SYNE1: variants seen among roughly 807,000 people sequenced by gnomAD.
SYNE1 encodes nesprin-1.
Under a neutral mutation model 1,111.0 loss-of-function variants are expected in SYNE1, and 616 were observed. That is an observed-to-expected ratio of 0.55 (90% CI 0.52 to 0.59). The LOEUF is 0.59. Ranked by LOEUF, SYNE1 falls within the 20% of genes least tolerant of loss-of-function variation. The pLI, the probability that SYNE1 is intolerant of heterozygous loss-of-function variation, is 0.00. For missense variants in SYNE1, 10,006 were observed against 10,417.0 expected, an observed-to-expected ratio of 0.96 and a Z score of 1.72; for synonymous variants, 3,855 against 3,825.8, an observed-to-expected ratio of 1.01 and a Z score of -0.28.
intron 49 of SYNE1, among the ~76,000 whole-genome samples, chr6:152,397,582 C>A (rs1174124988): frequency 6.6e-6 from 1 of 152,210 alleles, no homozygotes; most frequent in East Asian, 1.9e-4. Flanking sequence ...TCCACACCTC[C>A]TGCAAAACCA....
intron 3 of SYNE1, among the ~76,000 whole-genome samples, chr6:152,603,379 A>G (rs920662306): frequency 2.0e-5 from 3 of 152,196 alleles, no homozygotes; most frequent in Admixed American, 6.5e-5. Context: ...TTATTTTGCA[A>G]AAATGAGTTT....
At chr6:152,144,082 A>G (rs1260821239) in intron 137 of SYNE1, 3 of 396,712 alleles carry the variant, frequency 7.6e-6, no homozygotes, top group African/African-American at 6.2e-5. Flanking sequence ...TCAGTGTGGA[A>G]GGCCTTTCTA....
chr6:152,325,280 G>A lies in SYNE1; in HGVS notation c.15461C>T (p.Ser5154Phe). The change falls in exon 81 of 146, where the codon TCT becomes TTT. Residue 5154 changes from serine (S) to phenylalanine (F), a missense_variant. Physicochemically the swap from Ser to Phe is radical, Grantham distance 155. This residue lies in a region of SYNE1 where 4,955 missense variants were observed against 5,017.2 expected (regional missense o/e 0.99). Transcript: ENST00000367255. ...AAGGGCCACAATTTTCTCATGGAAAGAGTTAACCACTGACACTAAAGCCTA... is the reference window on the plus strand; with the variant it reads ...AAGGGCCACAATTTTCTCATGGAAAAAGTTAACCACTGACACTAAAGCCTA... ...EHKALVSVVNSFHEKIVALEE... is the reference protein window; with the variant it reads ...EHKALVSVVNFFHEKIVALEE... 2 of 1,614,208 alleles carry A rather than the reference G, an allele frequency of 1.2e-6. No homozygotes were observed. The highest frequency in any genetic ancestry group is 1.7e-6 in the Non-Finnish European group (2 of 1,180,042).
At chr6:152,606,976 C>CTTTTTTTTTTTTTTTTTTTTTTTTT (rs11387272) in intron 3 of SYNE1, among the ~76,000 whole-genome samples, 4 of 109,138 alleles carry the variant, frequency 3.7e-5, no homozygotes, top group African/African-American at 1.1e-4. Context: ...TGCCTCGGTT[C>CTTTTTTTTTTTTTTTTTTTTTTTTT]TCTTTTTTTT....
intron 3 of SYNE1, among the ~76,000 whole-genome samples, chr6:152,573,668 T>C (rs1029388581): frequency 2.0e-5 from 3 of 152,174 alleles, no homozygotes; most frequent in Non-Finnish European, 4.4e-5. Context: ...GGGACTCTCA[T>C]AAATCATAAC....
chr6:152,164,356 T>G, intron 130 of SYNE1, 31 bp from the exon 131 acceptor site: 12 of 1,613,412 alleles, frequency 7.4e-6, no homozygotes, highest in Non-Finnish European at 1.0e-5. Context: ...ATGTCCCACT[T>G]CAGCGAGAGG....
Position 152,539,948 on chromosome 6 carries a change from A to G in SYNE1, c.129+12T>C. Reference sequence around the variant, plus strand: ...CCTAAGTAAACCTGTAATGCTGGGTAGTTTCCTTTACCTTGGCCAGATGAG... The same window carrying G: ...CCTAAGTAAACCTGTAATGCTGGGTGGTTTCCTTTACCTTGGCCAGATGAG... On this transcript the variant is annotated intron_variant, in intron 4 of 145. Coordinates refer to ENST00000367255, the MANE Select transcript of SYNE1 (RefSeq NM_182961.4). 6.2e-7 allele frequency: 1 copy of G among 1,613,836 alleles called. No homozygotes were observed. The highest frequency in any genetic ancestry group is 8.5e-7 in the Non-Finnish European group (1 of 1,179,782).
At chr6:152,388,029 T>A (rs572540912) in intron 53 of SYNE1, among the ~76,000 whole-genome samples, 1 of 152,292 alleles carries the variant, frequency 6.6e-6, no homozygotes, top group Admixed American at 6.5e-5. Context: ...CCTCCATTAT[T>A]AAGCATTACA....
intron 139 of SYNE1, among the ~76,000 whole-genome samples, chr6:152,140,827 A>G (rs1325411955): frequency 6.6e-6 from 1 of 151,974 alleles, no homozygotes; most frequent in Non-Finnish European, 1.5e-5. Context: ...AGGTCAGGAG[A>G]TGGAGACCAT....
rs1400767830 is a variant in SYNE1 at position 152,125,570 on chromosome 6, A to G, written c.26154-2894T>C. 1.9e-5 allele frequency: 10 copies of G among 515,664 alleles called. No homozygotes were observed. In the Admixed American group the frequency reaches 2.1e-4, roughly 11 times the overall value. The allele number at this position is 515,664 out of a possible 1,614,324, so 31.9% of individuals were successfully genotyped here. On this transcript the variant is annotated intron_variant, in intron 145 of 145. Transcript: ENST00000367255. ...CTTTGGATCAAATTTTCTTCAAAAC[A>G]TCCTTCCCCTGACTTTAAAATATGC...
chr6:152,479,975 A>G (rs761955828), intron 14 of SYNE1, among the ~76,000 whole-genome samples: 1 of 152,250 alleles, frequency 6.6e-6, no homozygotes, highest in African/African-American at 2.4e-5. Flanking sequence ...TGAAGAATGA[A>G]AAAAACCAAG....
intron 87 of SYNE1, among the ~76,000 whole-genome samples, chr6:152,312,216 T>C (rs997965176): frequency 2.3e-5 from 1 of 44,258 alleles, no homozygotes; most frequent in African/African-American, 6.8e-5. Context: ...TATCTTTTTT[T>C]TTTTTTTTCT....
Position 152,390,449 on chromosome 6 carries a change from T to C in SYNE1, c.8008A>G (p.Ile2670Val), listed in dbSNP as rs1393949101. Residue 2670 changes from isoleucine to valine, a missense_variant, in exon 53 of 146, where the codon ATT becomes GTT. Ile to Val is a conservative substitution (Grantham distance 29). Coordinates refer to ENST00000367255, the MANE Select transcript of SYNE1 (RefSeq NM_182961.4). ...LEKRLSQIQDILLMKGEGEVK... is the reference protein window; with the variant it reads ...LEKRLSQIQDVLLMKGEGEVK... ...TCCCCTTCACCTTTCATCAGGAGAA[T>C]ATCCTGGGAAGGAAGAAAGAATACT... 5 of 1,613,952 alleles carry C rather than the reference T, an allele frequency of 3.1e-6. No individual in the cohort carries two copies. The highest frequency in any genetic ancestry group is 1.7e-5 in the Admixed American group (1 of 59,992).
chr6:152,460,878 T>C (rs1007247491), intron 21 of SYNE1, among the ~76,000 whole-genome samples: 1 of 142,924 alleles, frequency 7.0e-6, no homozygotes, highest in African/African-American at 2.6e-5. Flanking sequence ...AATGGCGCGA[T>C]CTGGGCTCAC....
At chr6:152,301,238 C>T (rs2095151421) in intron 92 of SYNE1, among the ~76,000 whole-genome samples, 1 of 152,038 alleles carries the variant, frequency 6.6e-6, no homozygotes, top group African/African-American at 2.4e-5. Context: ...TTACCTGAGG[C>T]ACAGCACATA....
chr6:152,136,934 G>T, intron 140 of SYNE1, 116 bp from the exon 141 acceptor site: 1 of 1,181,554 alleles, frequency 8.5e-7, no homozygotes. Flanking sequence ...TTAACAGGAT[G>T]GCTAGGTAAA....
chr6:152,139,623 G>C (rs1439212535), intron 140 of SYNE1, among the ~76,000 whole-genome samples: 4 of 145,336 alleles, frequency 2.8e-5, no homozygotes, highest in African/African-American at 7.7e-5. Flanking sequence ...AGAGAGGAAG[G>C]AAGGAAGGAA....
chr6:152,262,059 A>G lies in SYNE1; in HGVS notation c.18945T>C (p.Asn6315=). 1 of 1,613,714 alleles carries G rather than the reference A, an allele frequency of 6.2e-7. No homozygotes were observed. The highest frequency in any genetic ancestry group is 1.7e-5 in the Admixed American group (1 of 60,010). The change falls in exon 101 of 146, where the codon AAT becomes AAC. Residue 6315 remains asparagine (N), a synonymous_variant. Coordinates refer to ENST00000367255, the MANE Select transcript of SYNE1 (RefSeq NM_182961.4). ...EFSTKQKLLQ[N]VLEQEQEQVL... ...CTTGCTCTTGTTCCTGTTCCAGAACATTCTGTAGTAGTTTCTGCTTGGTAC... is the reference window on the plus strand; with the variant it reads ...CTTGCTCTTGTTCCTGTTCCAGAACGTTCTGTAGTAGTTTCTGCTTGGTAC...
intron 11 of SYNE1, among the ~76,000 whole-genome samples, chr6:152,496,890 C>T (rs2099002465): frequency 1.3e-5 from 2 of 152,156 alleles, no homozygotes; most frequent in African/African-American, 2.4e-5. Flanking sequence ...CTGCCCCACA[C>T]TAACTGGTCA....
Sources: allele counts gnomAD v4.1 joint callset (sites outside exome capture counted in the v4.1 genomes callset), GRCh38; gene constraint gnomAD v4.1.1; regional missense constraint gnomAD v4.1.1; transcripts MANE v1.5; gene names NCBI Gene and HGNC (gene_info 2026-07-23, HGNC 2026-07-21).